The following PDPK1 variants were observed in gnomAD, a reference collection of about 807,000 sequenced individuals.
PDPK1 encodes 3-phosphoinositide-dependent protein kinase 1.
PDPK1 carries 7 observed loss-of-function variants against 39.8 expected under a neutral mutation model. The ratio of observed to expected loss-of-function variants is 0.18; its 90% confidence interval spans 0.10 to 0.33. The LOEUF is 0.33. PDPK1 is among the 10% of genes least tolerant of loss of function. The pLI, the probability that PDPK1 is intolerant of heterozygous loss-of-function variation, is 1.00. For missense variants in PDPK1, 182 were observed against 384.7 expected (o/e 0.47, Z 4.41); for synonymous variants, 118 against 159.1 (o/e 0.74, Z 1.95).
At chr16:2,596,312 C>T (rs987578445) in intron 12 of PDPK1, among the ~76,000 whole-genome samples, 2 of 152,250 alleles carry the variant, frequency 1.3e-5, no homozygotes, top group Non-Finnish European at 2.9e-5. Flanking sequence ...CTGCCTCAGC[C>T]TCCTGAGTAG....
At chr16:2,588,768 T>G (rs2066928502) in intron 11 of PDPK1, among the ~76,000 whole-genome samples, 2 of 152,120 alleles carry the variant, frequency 1.3e-5, no homozygotes, top group South Asian at 4.1e-4. Flanking sequence ...CAGTAGTGGT[T>G]TGCATTCTCA....
In PDPK1 at chr16:2,602,754, G is replaced by GTAAC. The variant is rs1182604231; in HGVS notation, c.*4989_*4992dup. Reference sequence around the variant, plus strand: ...AATATTCTCTACCTGGTCTGTAGCTGTAACTGTGATGTACAGACAAAGCAA... The same window carrying GTAAC: ...AATATTCTCTACCTGGTCTGTAGCTGTAACTAACTGTGATGTACAGACAAAGCAA... On this transcript the variant is annotated 3_prime_UTR_variant, in exon 14 of 14. Transcript: ENST00000342085. The GTAAC allele has an allele frequency of 8.5e-6, 2 of 234,582 alleles. No homozygotes were observed. The highest frequency in any genetic ancestry group is 2.2e-5 in the African/African-American group (1 of 45,346). The allele number at this position is 234,582 out of a possible 1,614,324, so 14.5% of individuals were successfully genotyped here. A position where few individuals can be genotyped will look rare whatever the true frequency, so the allele number is the denominator to read the frequency against.
intron 10 of PDPK1, among the ~76,000 whole-genome samples, chr16:2,586,345 G>T (rs1197382318): frequency 6.6e-6 from 1 of 152,230 alleles, no homozygotes; most frequent in Admixed American, 6.5e-5. Flanking sequence ...AGGCATCCCA[G>T]CCCCCACCTC....
intron 11 of PDPK1, among the ~76,000 whole-genome samples, chr16:2,587,779 G>A (rs1224438915): frequency 1.3e-5 from 2 of 152,210 alleles, no homozygotes; most frequent in South Asian, 2.1e-4. Flanking sequence ...ACTATTCCTT[G>A]TTGTATGTTT....
intron 1 of PDPK1, among the ~76,000 whole-genome samples, chr16:2,551,876 G>A (rs954659268): frequency 3.0e-4 from 45 of 151,504 alleles, no homozygotes; most frequent in African/African-American, 1.0e-3. Context: ...CTATTGGCCA[G>A]GCTGGTCTCA....
rs766162407 is a variant in PDPK1, at chr16:2,601,519, C to T, written c.*3752C>T. 1.1e-4 allele frequency: 26 copies of T among 234,464 alleles called. No individual in the cohort carries two copies. In the Admixed American group the frequency reaches 1.3e-3, roughly 12 times the overall value. 14.5% of individuals were successfully genotyped at this position (234,464 alleles called of 1,614,324 possible). On this transcript the variant is annotated 3_prime_UTR_variant, in exon 14 of 14. Coordinates refer to ENST00000342085, the MANE Select transcript of PDPK1 (RefSeq NM_002613.5). ...GGTACTGAATTTGCATCTGCACAGT[C>T]AGCAGAGATAACAAGTGTTGAACTG...
intron 11 of PDPK1, among the ~76,000 whole-genome samples, chr16:2,588,191 A>G (rs1210018662): frequency 1.3e-5 from 2 of 152,220 alleles, no homozygotes; most frequent in Non-Finnish European, 2.9e-5. Context: ...AAACCTGTGC[A>G]GAGATGCTGG....
chr16:2,590,824 AAAAG>A (rs1297206945), intron 11 of PDPK1, among the ~76,000 whole-genome samples: 2 of 152,094 alleles, frequency 1.3e-5, no homozygotes, highest in Non-Finnish European at 2.9e-5. Context: ...TTATTTTTTA[AAAAG>A]AAAGAGACAA....
chr16:2,594,123 A>C (rs1466511092), intron 11 of PDPK1: 2 of 152,308 alleles, frequency 1.3e-5, no homozygotes, highest in Non-Finnish European at 2.9e-5. Context: ...GCCCTGGGGG[A>C]AGATGCTGTG....
chr16:2,590,161 C>T (rs13331509), intron 11 of PDPK1, among the ~76,000 whole-genome samples: 2,972 of 152,172 alleles, frequency 0.02, 95 homozygotes, highest in African/African-American at 0.067. Flanking sequence ...CCCTCTGTCG[C>T]CCAGGCTGGA....
At chr16:2,546,144 C>G (rs551415537) in intron 1 of PDPK1, among the ~76,000 whole-genome samples, 1 of 151,954 alleles carries the variant, frequency 6.6e-6, no homozygotes, top group African/African-American at 2.4e-5. Context: ...AGTGCAGTGG[C>G]GCGATCTCGG....
chr16:2,573,594 G>A (rs1597046547), intron 6 of PDPK1, among the ~76,000 whole-genome samples: 1 of 60,954 alleles, frequency 1.6e-5, no homozygotes, highest in South Asian at 7.0e-4. Flanking sequence ...GGCCGGGGTG[G>A]GTGGATCACC....
chr16:2,541,430 C>T (rs2066243207), intron 1 of PDPK1, among the ~76,000 whole-genome samples: 3 of 152,222 alleles, frequency 2.0e-5, no homozygotes, highest in Non-Finnish European at 4.4e-5. Context: ...CCAGTCCCTT[C>T]TGAGAGGATG....
At chr16:2,541,955 G>A (rs1207683005) in intron 1 of PDPK1, among the ~76,000 whole-genome samples, 1 of 151,906 alleles carries the variant, frequency 6.6e-6, no homozygotes, top group Non-Finnish European at 1.5e-5. Flanking sequence ...AGGCCTGTTT[G>A]GGTTCATGAT....
At chr16:2,546,035 T>A (rs150528689) in intron 1 of PDPK1, among the ~76,000 whole-genome samples, 1 of 152,336 alleles carries the variant, frequency 6.6e-6, no homozygotes, top group African/African-American at 2.4e-5. Flanking sequence ...TAGATTAGGT[T>A]CAGGCTAAGT....
intron 7 of PDPK1, among the ~76,000 whole-genome samples, chr16:2,580,366 G>A (rs1181007132): frequency 6.9e-6 from 1 of 145,848 alleles, no homozygotes; most frequent in Non-Finnish European, 1.5e-5. Flanking sequence ...TCAGGGTGGG[G>A]GTGCCCTGTT....
rs2066170284 is a variant in PDPK1, at chr16:2,538,107, G to A, written c.-6G>A. The A allele has an allele frequency of 9.4e-7, 1 of 1,063,918 alleles. No homozygotes were observed. Among genetic ancestry groups the A allele is most frequent in the East Asian group, 5.7e-5 (1 of 17,640 alleles). 65.9% of individuals were successfully genotyped at this position (1,063,918 alleles called of 1,614,324 possible). On this transcript the variant is annotated 5_prime_UTR_variant, in exon 1 of 14. Transcript: ENST00000342085. The stretch of plus-strand genomic sequence containing the variant: ...CGGGGGAGGCGCCCGCGCCGACGCG[G>A]GGCCCATGGCCAGGACCACCAGCCA...
Position 2,593,322 on chromosome 16 carries a change from G to A in PDPK1, c.1344-2471G>A, listed in dbSNP as rs1180577867. The A allele has an allele frequency of 2.9e-6, 1 of 349,390 alleles. No homozygotes were observed. Among genetic ancestry groups the A allele is most frequent in the African/African-American group, 2.2e-5 (1 of 46,456 alleles). 21.6% of individuals were successfully genotyped at this position (349,390 alleles called of 1,614,324 possible). On this transcript the variant is annotated intron_variant, in intron 11 of 13. Transcript: ENST00000342085. This position sits in a 1 kb window ranked among gnomAD's most constrained non-coding sequence, Gnocchi z 4.2. ...CCTCTCGTGGCACTGTGAATTTGCT[G>A]TGGGGTGCAGCTGATGGCCCATGGC...
In PDPK1 at chr16:2,586,808, G is replaced by A. The variant is rs1286398704; in HGVS notation, c.1258G>A (p.Asp420Asn). 1.2e-6 allele frequency: 2 copies of A among 1,614,126 alleles called. No homozygotes were observed. The highest frequency in any genetic ancestry group is 1.3e-5 in the African/African-American group (1 of 74,942). Reference sequence around the variant, plus strand: ...CATAGAGCAGTACATTCACGATCTGGACTCGAACTCCTTTGAACTGGACTT... The same window carrying A: ...CATAGAGCAGTACATTCACGATCTGAACTCGAACTCCTTTGAACTGGACTT... ...SNIEQYIHDL[D>N]SNSFELDLQF... Residue 420 changes from aspartate to asparagine, a missense_variant, in exon 11 of 14, where the codon GAC (aspartate) becomes AAC (asparagine). Around this residue, in one of 5 missense-constraint regions of PDPK1, gnomAD observed 90 missense variants for 111.9 expected, o/e 0.80. Coordinates refer to ENST00000342085, the MANE Select transcript of PDPK1 (RefSeq NM_002613.5).
Sources: gnomAD v4.1 joint callset for allele counts (sites outside exome capture counted in the v4.1 genomes callset) on GRCh38, gnomAD v4.1.1 for gene constraint, gnomAD v4.1.1 regional missense constraint, Gnocchi (gnomAD v3.1) non-coding constraint, MANE v1.5 for transcripts, NCBI Gene and HGNC (gene_info 2026-07-23, HGNC 2026-07-21) for gene names.